RMDN2: variants seen among roughly 807,000 people sequenced by gnomAD.
RMDN2 encodes regulator of microtubule dynamics 2.
RMDN2 carries 61 observed loss-of-function variants against 52.8 expected under a neutral mutation model. The ratio of observed to expected loss-of-function variants is 1.16; its 90% CI spans 0.94 to 1.43. The LOEUF is 1.43. Ranked by LOEUF, RMDN2 falls within the 40% of genes most tolerant of loss-of-function variation. The pLI is 0.00. For missense variants in RMDN2, 592 were observed against 475.3 expected (o/e 1.25, Z -2.28); for synonymous variants, 180 against 153.1 (o/e 1.18, Z -1.30).
chr2:38,055,939 A>G (rs1681841324), intron 10 of RMDN2, among the ~76,000 whole-genome samples: 2 of 152,156 alleles, frequency 1.3e-5, no homozygotes, highest in Admixed American at 1.3e-4. Flanking sequence ...TTCTGTTAAC[A>G]AGTAGGGTGA....
intron 7 of RMDN2, among the ~76,000 whole-genome samples, chr2:37,996,593 A>G (rs1446562631): frequency 1.9e-5 from 1 of 53,268 alleles, no homozygotes; most frequent in Non-Finnish European, 3.0e-5. Context: ...ATTGCCAAAA[A>G]AAAAAAAGAA....
In RMDN2 at chr2:38,066,623, A is replaced by G. The variant is rs1035136920; in HGVS notation, c.1714-359A>G. 2.0e-5 allele frequency among the ~76,000 whole-genome samples: 3 copies of G among 152,214 alleles called. 1 individual carries two copies. Among genetic ancestry groups the G allele is most frequent in the African/African-American group, 7.2e-5 (3 of 41,448 alleles). On this transcript the variant is annotated intron_variant, in intron 10 of 10. Transcript: ENST00000234195. ...GAAGAAACAACCTCTGTGAGTTTCT[A>G]ACAACCACGCCTGTCTTACTTATGT... is the stretch of plus-strand genomic sequence containing the variant.
chr2:37,942,425 A>G (rs560851140), intron 2 of RMDN2, among the ~76,000 whole-genome samples: 2 of 152,330 alleles, frequency 1.3e-5, no homozygotes, highest in South Asian at 2.1e-4. Flanking sequence ...TTCCTTAGGC[A>G]TATGTGGAAG....
At chr2:38,012,238 T>C (rs772786885) in intron 10 of RMDN2, among the ~76,000 whole-genome samples, 2 of 152,226 alleles carry the variant, frequency 1.3e-5, no homozygotes, top group Non-Finnish European at 2.9e-5. Flanking sequence ...CCATGGATGC[T>C]GTTTCGTCAG....
chr2:37,936,675 G>T (rs1667316836), intron 2 of RMDN2, among the ~76,000 whole-genome samples: 1 of 152,106 alleles, frequency 6.6e-6, no homozygotes, highest in South Asian at 2.1e-4. Flanking sequence ...ATATTTGTTG[G>T]CCACATAAAT....
chr2:37,928,077 T>C (rs933489022), intron 1 of RMDN2, among the ~76,000 whole-genome samples: 1 of 152,348 alleles, frequency 6.6e-6, no homozygotes, highest in African/African-American at 2.4e-5. Context: ...TTAAATCTCT[T>C]GGATATAATA....
chr2:37,980,849 C>T (rs971414133), intron 4 of RMDN2, among the ~76,000 whole-genome samples: 3 of 151,662 alleles, frequency 2.0e-5, no homozygotes, highest in South Asian at 2.1e-4. Flanking sequence ...GCATACTGAA[C>T]GGTGAGCTCT....
At chr2:37,975,109 C>T (rs1393697596) in intron 3 of RMDN2, 103 bp from the exon 4 acceptor site, 11 of 699,124 alleles carry the variant, frequency 1.6e-5, no homozygotes, top group Non-Finnish European at 2.8e-5. Context: ...CTATAAATAC[C>T]AGTTTACCTG....
At chr2:37,973,750 T>G (rs185192375) in intron 2 of RMDN2, among the ~76,000 whole-genome samples, 195 of 152,096 alleles carry the variant, frequency 1.3e-3, no homozygotes, top group Non-Finnish European at 2.2e-3. Context: ...CAAGTGGAGG[T>G]TCCGAGGTAG....
At chr2:38,012,652 A>C (rs1292529770) in intron 10 of RMDN2, 1 of 461,606 alleles carries the variant, frequency 2.2e-6, no homozygotes, top group South Asian at 1.6e-5. Flanking sequence ...TAGTAAAGGT[A>C]TGTAAGGTAT....
At chr2:37,951,847 G>A in intron 2 of RMDN2, 1 of 1,613,574 alleles carries the variant, frequency 6.2e-7, no homozygotes, top group East Asian at 2.2e-5. Context: ...TATCAACAAA[G>A]CACATCATCC....
At chr2:38,060,588 G>A (rs1049653326) in intron 10 of RMDN2, among the ~76,000 whole-genome samples, 6 of 152,196 alleles carry the variant, frequency 3.9e-5, no homozygotes, top group African/African-American at 1.4e-4. Flanking sequence ...CTGAATGTGA[G>A]CAGGGAGAGT....
intron 2 of RMDN2, among the ~76,000 whole-genome samples, chr2:37,933,036 G>A (rs1164134935): frequency 2.6e-5 from 4 of 151,168 alleles, no homozygotes; most frequent in East Asian, 2.0e-4. Context: ...GCTGCCGGGC[G>A]GAGGGACTCC....
At chr2:37,959,969 TTAATCTTG>T (rs1308675466) in intron 2 of RMDN2, among the ~76,000 whole-genome samples, 2,428 of 148,648 alleles carry the variant, frequency 0.016, 114 homozygotes, top group African/African-American at 0.061. Flanking sequence ...AGTGAGTTTC[TTAATCTTG>T]AGTTCTAATT....
At chr2:37,930,674 G>A (rs1666658581) in intron 2 of RMDN2, among the ~76,000 whole-genome samples, 2 of 152,316 alleles carry the variant, frequency 1.3e-5, no homozygotes, top group East Asian at 3.9e-4. Flanking sequence ...TGGGTGCAGA[G>A]TGGGTGAGCA....
chr2:37,939,512 T>C lies in RMDN2; in HGVS notation c.452+9783T>C, dbSNP rs373401116. On this transcript the variant is annotated intron_variant, in intron 2 of 10. Transcript: ENST00000354545. ...GGGGTGTTAAATTCTCCCACTCTTATTGTGTGGGAGTCTAAGTCTCTTTGT... is the reference window on the plus strand; with the variant it reads ...GGGGTGTTAAATTCTCCCACTCTTACTGTGTGGGAGTCTAAGTCTCTTTGT... Among the ~76,000 whole-genome samples, 11 of 152,300 alleles carry C rather than the reference T, an allele frequency of 7.2e-5. No homozygotes were observed. The South Asian group carries it at 1.0e-3, about 14-fold the overall frequency.
chr2:38,037,796 C>G (rs1031422970), intron 10 of RMDN2, among the ~76,000 whole-genome samples: 6 of 152,200 alleles, frequency 3.9e-5, no homozygotes, highest in African/African-American at 1.2e-4. Flanking sequence ...TGCACTTTGG[C>G]TCTTTTAATC....
At chr2:38,010,753 A>G (rs1304827470) in intron 10 of RMDN2, among the ~76,000 whole-genome samples, 2 of 152,056 alleles carry the variant, frequency 1.3e-5, no homozygotes, top group East Asian at 3.9e-4. Flanking sequence ...AGTGAGATGC[A>G]CCCGGTACCT....
intron 10 of RMDN2, among the ~76,000 whole-genome samples, chr2:38,034,437 C>A (rs905149766): frequency 6.6e-6 from 1 of 152,080 alleles, no homozygotes; most frequent in Non-Finnish European, 1.5e-5. Flanking sequence ...AAAGATCAGA[C>A]TTTTTCAGAG....
Sources: gnomAD v4.1 joint callset for allele counts (sites outside exome capture counted in the v4.1 genomes callset) on GRCh38, gnomAD v4.1.1 for gene constraint, MANE v1.5 for transcripts, NCBI Gene and HGNC (gene_info 2026-07-23, HGNC 2026-07-21) for gene names.